PARD3: variants seen among roughly 807,000 people sequenced by gnomAD.
PARD3 encodes partitioning defective 3 homolog.
A neutral mutation model predicts 155.4 loss-of-function variants in PARD3; 75 were observed. The observed-to-expected ratio is 0.48, with a 90% CI of 0.40 to 0.58. The LOEUF is 0.58. Ranked by LOEUF, PARD3 falls within the 20% of genes least tolerant of loss-of-function variation. PARD3 has a pLI of 0.00. For missense variants in PARD3, 1,642 were observed against 1,721.7 expected (o/e 0.95, Z 0.82); for synonymous variants, 576 against 610.5 (o/e 0.94, Z 0.83).
chr10:34,474,434 T>C (rs532042451), intron 3 of PARD3, among the ~76,000 whole-genome samples: 1 of 152,332 alleles, frequency 6.6e-6, no homozygotes, highest in African/African-American at 2.4e-5. Flanking sequence ...TGTGTATTGG[T>C]TTATGATTTC....
chr10:34,230,680 T>C (rs926042574), intron 22 of PARD3, among the ~76,000 whole-genome samples: 1 of 152,000 alleles, frequency 6.6e-6, no homozygotes, highest in Non-Finnish European at 1.5e-5. Flanking sequence ...TATTCTAAAA[T>C]AACAAGTTTG....
At chr10:34,643,226 C>A (rs1243535583) in intron 2 of PARD3, among the ~76,000 whole-genome samples, 1 of 152,194 alleles carries the variant, frequency 6.6e-6, no homozygotes, top group Non-Finnish European at 1.5e-5. Context: ...TCACCTGGAG[C>A]CCCCTCGTCT....
intron 2 of PARD3, among the ~76,000 whole-genome samples, chr10:34,666,950 C>T (rs1262215316): frequency 6.6e-6 from 1 of 151,868 alleles, no homozygotes; most frequent in African/African-American, 2.4e-5. Flanking sequence ...GGGTGGATCA[C>T]CTGAGGCCAG....
chr10:34,610,098 T>G (rs918371040), intron 2 of PARD3, among the ~76,000 whole-genome samples: 3 of 152,194 alleles, frequency 2.0e-5, no homozygotes, highest in Admixed American at 2.0e-4. Context: ...TTCATCCACA[T>G]CTACTCTAAT....
chr10:34,345,967 C>T lies in PARD3; in HGVS notation c.2218+1998G>A, dbSNP rs555540803. ...AAAACTATTTAGAATCCCTAGTTTC[C>T]GTTACAAATTGTAAAAATTATCTTA... On this transcript the variant is annotated intron_variant, in intron 15 of 24. Transcript: ENST00000374788. 1.8e-5 allele frequency: 18 copies of T among 983,550 alleles called. No individual in the cohort carries two copies. The South Asian group carries it at 4.7e-4, about 26-fold the overall frequency. 60.9% of individuals were successfully genotyped at this position (983,550 alleles called of 1,614,324 possible). A position where few individuals can be genotyped will look rare whatever the true frequency, so the allele number is the denominator to read the frequency against.
At chr10:34,739,389 AGG>A in intron 1 of PARD3, among the ~76,000 whole-genome samples, 1 of 152,362 alleles carries the variant, frequency 6.6e-6, no homozygotes, top group Non-Finnish European at 1.5e-5. Flanking sequence ...ACCGCACCAG[AGG>A]GCTGTTCAAG....
intron 2 of PARD3, among the ~76,000 whole-genome samples, chr10:34,611,970 G>A (rs1590227029): frequency 1.7e-5 from 2 of 119,876 alleles, no homozygotes; most frequent in Admixed American, 1.1e-4. Context: ...GGGACTACAG[G>A]CACCCGCCAC....
intron 3 of PARD3, among the ~76,000 whole-genome samples, chr10:34,480,170 G>T (rs988428803): frequency 6.6e-6 from 1 of 152,204 alleles, no homozygotes; most frequent in Non-Finnish European, 1.5e-5. Context: ...GAGGATCAAA[G>T]GAAACAATCC....
intron 20 of PARD3, chr10:34,312,343 C>A: frequency 6.2e-7 from 1 of 1,612,316 alleles, no homozygotes; most frequent in Non-Finnish European, 8.5e-7. Flanking sequence ...TTTTGAATCG[C>A]TTTGTTGTTC....
intron 1 of PARD3, among the ~76,000 whole-genome samples, chr10:34,743,548 G>A (rs561217431): frequency 2.3e-4 from 35 of 152,136 alleles, no homozygotes; most frequent in South Asian, 2.3e-3. Flanking sequence ...TTTCAGGTCC[G>A]AAAATCCCAT....
At chr10:34,149,571 T>C (rs1321291224) in intron 22 of PARD3, among the ~76,000 whole-genome samples, 2 of 152,172 alleles carry the variant, frequency 1.3e-5, no homozygotes, top group Non-Finnish European at 2.9e-5. Context: ...ATAATGTATA[T>C]AGACTTCACA....
At chr10:34,206,510 C>T (rs1180192714) in intron 22 of PARD3, among the ~76,000 whole-genome samples, 1 of 152,176 alleles carries the variant, frequency 6.6e-6, no homozygotes, top group Non-Finnish European at 1.5e-5. Context: ...TGGCTTCACT[C>T]AGGAAAGAAC....
In PARD3 at chr10:34,805,714, C is replaced by T. The variant is rs1843294663; in HGVS notation, c.120+9162G>A. Among the ~76,000 whole-genome samples the T allele has an allele frequency of 2.6e-5, 4 of 152,044 alleles. No individual in the cohort carries two copies. The South Asian group carries it at 8.3e-4, about 32-fold the overall frequency. On this transcript the variant is annotated intron_variant, in intron 1 of 24. Transcript: ENST00000374788. Reference sequence around the variant, plus strand: ...TTCTGGGGCCGGGCGCGGTGGCTCACGCCTGTAATCCCAGCACTTTGGGAG... The same window carrying T: ...TTCTGGGGCCGGGCGCGGTGGCTCATGCCTGTAATCCCAGCACTTTGGGAG...
chr10:34,735,737 C>G (rs1473889491), intron 1 of PARD3, among the ~76,000 whole-genome samples: 1 of 152,164 alleles, frequency 6.6e-6, no homozygotes, highest in Non-Finnish European at 1.5e-5. Flanking sequence ...GAAACAACCC[C>G]CCTTATTTTT....
intron 12 of PARD3, 63 bp downstream of exon 12, chr10:34,372,435 T>C: frequency 1.7e-6 from 2 of 1,199,546 alleles, no homozygotes; most frequent in South Asian, 2.4e-5. Context: ...ATTAAATTAG[T>C]AAGAAGTTAG....
At chr10:34,814,835 C>G in intron 1 of PARD3, 41 bp downstream of exon 1, 1 of 1,213,272 alleles carries the variant, frequency 8.2e-7, no homozygotes, top group Non-Finnish European at 1.2e-6. Flanking sequence ...GGCGCCGTCC[C>G]CGCCGCCGCC....
In PARD3 at chr10:34,378,083, T is replaced by G. The variant is rs1466878691; in HGVS notation, c.1423A>C (p.Ile475Leu). ...KKGTEGLGFS[I>L]TSRDVTIGGS... ...CCTATTGTTACATCTCTGGAAGTGATGCTGAATCCCAAACCTTCTGTACCT... is the reference window on the plus strand; with the variant it reads ...CCTATTGTTACATCTCTGGAAGTGAGGCTGAATCCCAAACCTTCTGTACCT... The change falls in exon 10 of 25, where the codon ATC becomes CTC. Residue 475 changes from isoleucine to leucine, a missense_variant. Physicochemically the swap from Ile to Leu is conservative, Grantham distance 5. Coordinates refer to ENST00000374788, the MANE Select transcript of PARD3 (RefSeq NM_001184785.2). The G allele has an allele frequency of 6.3e-7, 1 of 1,593,520 alleles. No individual in the cohort carries two copies.
chr10:34,552,056 G>C (rs900746976), intron 2 of PARD3, among the ~76,000 whole-genome samples: 11 of 152,106 alleles, frequency 7.2e-5, no homozygotes, highest in Non-Finnish European at 1.5e-4. Flanking sequence ...TCTCTAAAAA[G>C]ACCTCTAATC....
At chr10:34,689,200 G>A (rs565963437) in intron 2 of PARD3, among the ~76,000 whole-genome samples, 1 of 152,276 alleles carries the variant, frequency 6.6e-6, no homozygotes, top group South Asian at 2.1e-4. Flanking sequence ...CTTACTTGGA[G>A]CAGCTGCCAA....
Sources: gnomAD v4.1 joint callset for allele counts (sites outside exome capture counted in the v4.1 genomes callset) on GRCh38, gnomAD v4.1.1 for gene constraint, MANE v1.5 for transcripts, NCBI Gene and HGNC (gene_info 2026-07-23, HGNC 2026-07-21) for gene names.